Variants in TMEM175 observed in about 807,000 individuals in gnomAD.
The protein encoded by TMEM175 is transmembrane protein 175, also known as endosomal/lysosomal proton channel TMEM175.
In TMEM175, 36 loss-of-function variants were observed where a neutral mutation model predicts 36.5. The ratio of observed to expected loss-of-function variants is 0.99; its 90% confidence interval spans 0.76 to 1.30. The LOEUF (loss-of-function observed/expected upper bound fraction) is 1.30. Among genes scored for constraint, TMEM175 ranks in the 50% most tolerant of loss-of-function variants. TMEM175 has a pLI of 0.00. For synonymous variants in TMEM175, 339 were observed against 313.4 expected (o/e 1.08, Z -0.86); for missense variants, 705 against 692.8 (o/e 1.02, Z -0.20).
At chr4:946,813 C>T (rs77480647) in intron 1 of TMEM175, among the ~76,000 whole-genome samples, 5,512 of 152,214 alleles carry the variant, frequency 0.036, 181 homozygotes, top group East Asian at 0.16. Context: ...CCCCAAAGGT[C>T]ACCAAGGGAG....
chr4:944,461 A>G (rs1407601462), intron 1 of TMEM175, among the ~76,000 whole-genome samples: 1 of 152,104 alleles, frequency 6.6e-6, no homozygotes, highest in African/African-American at 2.4e-5. Context: ...CATTCTAGGT[A>G]AGAAGTAACC....
chr4:955,537 G>A (rs1017401295), intron 9 of TMEM175, 54 bp downstream of exon 9: 20 of 1,562,698 alleles, frequency 1.3e-5, no homozygotes, highest in Middle Eastern at 1.7e-4. Context: ...GCCCACCTCC[G>A]TGCGGCTGCT....
At chr4:946,335 G>T (rs1331881841) in intron 1 of TMEM175, among the ~76,000 whole-genome samples, 3 of 152,254 alleles carry the variant, frequency 2.0e-5, no homozygotes, top group African/African-American at 7.2e-5. Context: ...AGCCAACATG[G>T]GGCTCTCTGG....
chr4:945,357 C>T (rs1028824153), intron 1 of TMEM175, among the ~76,000 whole-genome samples: 4 of 151,924 alleles, frequency 2.6e-5, no homozygotes, highest in Admixed American at 6.6e-5. Flanking sequence ...GTTTTCCCCA[C>T]GTCTTTGCCG....
chr4:941,896 A>G (rs1053934598), intron 1 of TMEM175, among the ~76,000 whole-genome samples: 42 of 152,114 alleles, frequency 2.8e-4, no homozygotes, highest in Non-Finnish European at 1.8e-4. Flanking sequence ...TTTATAAAAA[A>G]AGAAAAAAAA....
intron 8 of TMEM175, among the ~76,000 whole-genome samples, chr4:954,236 C>G (rs1332319701): frequency 6.6e-6 from 1 of 152,190 alleles, no homozygotes; most frequent in Non-Finnish European, 1.5e-5. Flanking sequence ...ATCCACCCAC[C>G]TCAGCCTCCC....
chr4:951,187 C>A lies in TMEM175; in HGVS notation c.291-20C>A, dbSNP rs953903737. The A allele has an allele frequency of 6.2e-7, 1 of 1,613,110 alleles. No individual in the cohort carries two copies. Among genetic ancestry groups the A allele is most frequent in the Non-Finnish European group, 8.5e-7 (1 of 1,179,430 alleles). ...ACTACAACCGCGTTTTATTGTCTAT[C>A]TTTTTCTTAAATGGTTTAGGTTGTT... is the stretch of plus-strand genomic sequence containing the variant. On this transcript the variant is annotated intron_variant, in intron 4 of 10. Coordinates refer to ENST00000264771, the MANE Select transcript of TMEM175 (RefSeq NM_032326.4).
intron 7 of TMEM175, 78 bp from the exon 8 acceptor site, chr4:953,112 A>C (rs1013605439): frequency 2.0e-5 from 29 of 1,457,544 alleles, no homozygotes; most frequent in Non-Finnish European, 2.6e-5. Context: ...TGCGTGTGCC[A>C]TGCAGCCCGG....
rs539012722 is a variant in TMEM175 at position 943,331 on chromosome 4, A to G, written c.-31-4378A>G. ...CAGTGGCACGATCTTGGCTCACCGCAACGTCCACTTTCTGGGATCAAGCAA... is the reference window on the plus strand; with the variant it reads ...CAGTGGCACGATCTTGGCTCACCGCGACGTCCACTTTCTGGGATCAAGCAA... On this transcript the variant is annotated intron_variant, in intron 1 of 10. Coordinates refer to ENST00000264771, the MANE Select transcript of TMEM175 (RefSeq NM_032326.4). 4.6e-5 allele frequency among the ~76,000 whole-genome samples: 7 copies of G among 152,196 alleles called. No homozygotes were observed. In the East Asian group the frequency reaches 1.2e-3, roughly 25 times the overall value.
intron 1 of TMEM175, among the ~76,000 whole-genome samples, chr4:935,330 C>T (rs1577375849): frequency 6.6e-6 from 1 of 152,162 alleles, no homozygotes; most frequent in Non-Finnish European, 1.5e-5. Context: ...TTAGATACTG[C>T]TACATGTATA....
chr4:953,452 C>G (rs1043119100), intron 8 of TMEM175, 98 bp downstream of exon 8: 2 of 1,403,110 alleles, frequency 1.4e-6, no homozygotes, highest in Middle Eastern at 2.0e-4. Flanking sequence ...GGGGGCAGAG[C>G]GCAGACAGGC....
At chr4:944,464 A>G (rs1175693892) in intron 1 of TMEM175, among the ~76,000 whole-genome samples, 1 of 152,104 alleles carries the variant, frequency 6.6e-6, no homozygotes, top group Non-Finnish European at 1.5e-5. Flanking sequence ...TCTAGGTAAG[A>G]AGTAACCTGG....
chr4:952,929 C>T (rs1049423385), intron 7 of TMEM175, among the ~76,000 whole-genome samples: 1 of 151,996 alleles, frequency 6.6e-6, no homozygotes, highest in South Asian at 2.1e-4. Flanking sequence ...CCCCCACATG[C>T]GGCCCCAGGA....
intron 5 of TMEM175, 136 bp from the exon 6 acceptor site, chr4:951,546 G>A (rs1347880419): frequency 8.6e-7 from 1 of 1,157,204 alleles, no homozygotes; most frequent in Non-Finnish European, 1.3e-6. Flanking sequence ...GCAGGGTCTG[G>A]GGGCTGGACT....
rs999926737 is a variant in TMEM175 at position 947,722 on chromosome 4, C to T, written c.-18C>T. On this transcript the variant is annotated 5_prime_UTR_variant, in exon 2 of 11. Transcript: ENST00000264771. ...CTTTCCTCCCAGGCTCCTGTAACCGCCAGGCAGCGGCCCCGCCATGTCCCA... is the reference window on the plus strand; with the variant it reads ...CTTTCCTCCCAGGCTCCTGTAACCGTCAGGCAGCGGCCCCGCCATGTCCCA... 6.3e-7 allele frequency: 1 copy of T among 1,588,576 alleles called. No homozygotes were observed. Among genetic ancestry groups the T allele is most frequent in the African/African-American group, 1.3e-5 (1 of 74,526 alleles).
Position 947,826 on chromosome 4 carries a change from G to T in TMEM175, c.87G>T (p.Gly29=). 2 of 1,613,356 alleles carry T rather than the reference G, an allele frequency of 1.2e-6. No homozygotes were observed. The highest frequency in any genetic ancestry group is 1.7e-6 in the Non-Finnish European group (2 of 1,180,012). Residue 29 remains glycine (G), a synonymous_variant, in exon 2 of 11, where the codon GGG becomes GGT. Transcript: ENST00000264771. ...GGAGAGACGAGGACGCTGGGGAGGGGATCCAGTGCTCCCAACGCATGCTCA... is the reference window on the plus strand; with the variant it reads ...GGAGAGACGAGGACGCTGGGGAGGGTATCCAGTGCTCCCAACGCATGCTCA... ...PGRRDEDAGE[G]IQCSQRMLSF... is the part of the protein sequence containing the mutation.
chr4:955,683 C>T lies in TMEM175; in HGVS notation c.707-72C>T, dbSNP rs7655697. On this transcript the variant is annotated intron_variant, in intron 9 of 10. Transcript: ENST00000264771. ...TTCCAGGCCTCTTCATGGATGAGGG[C>T]GGTGACAGCCACGCGGGCTCTACCT... 5,391 of 1,569,336 alleles carry T rather than the reference C, an allele frequency of 3.4e-3. 142 individuals are homozygous for T. The African/African-American group carries it at 0.061, about 18-fold the overall frequency.
chr4:955,546 C>A, intron 9 of TMEM175, 63 bp downstream of exon 9: 1 of 1,525,432 alleles, frequency 6.6e-7, no homozygotes, highest in Non-Finnish European at 9.0e-7. Context: ...CGTGCGGCTG[C>A]TCCGCACTGA....
In TMEM175 at chr4:957,880, T is replaced by C; in HGVS notation, c.899T>C (p.Val300Ala). The change falls in exon 11 of 11, where the codon GTG (valine) becomes GCG (alanine). Residue 300 changes from valine to alanine, a missense_variant. Physicochemically the swap from Val to Ala is moderately conservative, Grantham distance 64 (BLOSUM62 0). Coordinates refer to ENST00000264771, the MANE Select transcript of TMEM175 (RefSeq NM_032326.4). The part of the protein sequence containing the change: ...DVKERFSGSL[V>A]AALSATGPRF... ...AAGGAGAGGTTCAGCGGCAGCCTCG[T>C]GGCCGCCCTGAGTGCGACCGGGCCG... 1 of 1,612,744 alleles carries C rather than the reference T, an allele frequency of 6.2e-7. No individual in the cohort carries two copies. The highest frequency in any genetic ancestry group is 8.5e-7 in the Non-Finnish European group (1 of 1,179,940).
Sources: allele counts gnomAD v4.1 joint callset (sites outside exome capture counted in the v4.1 genomes callset), GRCh38; gene constraint gnomAD v4.1.1; transcripts MANE v1.5; gene names NCBI Gene and HGNC (gene_info 2026-07-23, HGNC 2026-07-21).